The following PLD5 variants were observed in gnomAD, a reference collection of about 807,000 sequenced individuals.
PLD5 encodes inactive phospholipase D5.
In PLD5, 36 loss-of-function variants were observed where a neutral mutation model predicts 61.1. The ratio of observed to expected loss-of-function variants is 0.59; its 90% CI spans 0.45 to 0.78. The LOEUF is 0.78. Among genes scored for constraint, PLD5 ranks in the 30% least tolerant of loss-of-function variants. The pLI is 0.00. For missense variants in PLD5, 515 were observed against 644.4 expected (o/e 0.80, Z 2.17); for synonymous variants, 243 against 242.8 (o/e 1.00, Z -0.01).
intron 2 of PLD5, among the ~76,000 whole-genome samples, chr1:242,309,907 GAAA>G (rs1338152805): frequency 3.4e-5 from 5 of 148,384 alleles, no homozygotes; most frequent in Admixed American, 1.4e-4. Flanking sequence ...TTTACCTGGA[GAAA>G]GTCAAAAAGA....
intron 4 of PLD5, among the ~76,000 whole-genome samples, chr1:242,253,701 T>G (rs529390866): frequency 6.6e-6 from 1 of 152,298 alleles, no homozygotes; most frequent in South Asian, 2.1e-4. Context: ...ACAGATAAAA[T>G]TCTGCTTTTC....
At chr1:242,207,824 TTATATATATTTATATATTTA>T (rs1558343928) in intron 5 of PLD5, among the ~76,000 whole-genome samples, 4 of 51,918 alleles carry the variant, frequency 7.7e-5, no homozygotes, top group Admixed American at 3.0e-4. Context: ...ATTTATATAT[TTATATATATTTATATATTTA>T]TATATATTTA....
At chr1:242,425,542 C>T (rs1265102750) in intron 1 of PLD5, among the ~76,000 whole-genome samples, 1 of 151,704 alleles carries the variant, frequency 6.6e-6, no homozygotes, top group Non-Finnish European at 1.5e-5. Context: ...CTGTATACTA[C>T]TATAGACTTT....
rs544989893 is a variant in PLD5, at chr1:242,165,712, G to A, written c.736-41047C>T. ...CTTTCTCATACCAAAAGCAGGGCTC[G>A]GTCATCCTTGATGCAATTTCCAGTG... On this transcript the variant is annotated intron_variant, in intron 5 of 9. Transcript: ENST00000536534. 5.9e-5 allele frequency among the ~76,000 whole-genome samples: 9 copies of A among 152,096 alleles called. No individual in the cohort carries two copies. The East Asian group carries it at 1.2e-3, about 20-fold the overall frequency.
intron 1 of PLD5, among the ~76,000 whole-genome samples, chr1:242,484,862 T>C (rs139623676): frequency 6.6e-6 from 1 of 152,268 alleles, no homozygotes; most frequent in East Asian, 1.9e-4. Context: ...TTATCCACCA[T>C]GATCAAGTGG....
At chr1:242,268,583 T>C (rs1357950081) in intron 3 of PLD5, among the ~76,000 whole-genome samples, 1 of 152,220 alleles carries the variant, frequency 6.6e-6, no homozygotes, top group African/African-American at 2.4e-5. Flanking sequence ...ACTTTTAGTA[T>C]GTGCTGATTA....
chr1:242,497,439 C>T (rs1668407366), intron 1 of PLD5, among the ~76,000 whole-genome samples: 1 of 152,112 alleles, frequency 6.6e-6, no homozygotes, highest in Admixed American at 6.6e-5. Context: ...CTTTCTCTTC[C>T]TCTAAATTTT....
chr1:242,501,159 T>A lies in PLD5; in HGVS notation c.189+22929A>T, dbSNP rs181658088. ...TGTTAAAGACTCACTAGCACTGAAC[T>A]GAGCTTTCCCATTCATTAAATAGGC... On this transcript the variant is annotated intron_variant, in intron 1 of 9. Transcript: ENST00000536534. Among the ~76,000 whole-genome samples the A allele has an allele frequency of 1.6e-4, 25 of 152,294 alleles. No homozygotes were observed. The Middle Eastern group carries it at 0.01, about 62-fold the overall frequency.
intron 1 of PLD5, chr1:242,449,366 T>A: frequency 2.0e-6 from 3 of 1,536,106 alleles, no homozygotes; most frequent in Non-Finnish European, 2.6e-6. Flanking sequence ...TTGCGACCAA[T>A]CTTCCTTCCC....
chr1:242,306,714 T>C (rs1264051386), intron 2 of PLD5, among the ~76,000 whole-genome samples: 1 of 150,662 alleles, frequency 6.6e-6, no homozygotes, highest in Non-Finnish European at 1.5e-5. Flanking sequence ...AATGCTACAC[T>C]GAGAAAGAGA....
chr1:242,265,098 T>C (rs1380698782), intron 4 of PLD5, among the ~76,000 whole-genome samples: 1 of 152,202 alleles, frequency 6.6e-6, no homozygotes, highest in Non-Finnish European at 1.5e-5. Context: ...TTAATCATCA[T>C]TTATTGACCA....
intron 1 of PLD5, chr1:242,376,983 T>C: frequency 6.2e-7 from 1 of 1,611,346 alleles, no homozygotes; most frequent in Non-Finnish European, 8.5e-7. Flanking sequence ...TATCCGCATG[T>C]GAGTATTTGA....
intron 4 of PLD5, among the ~76,000 whole-genome samples, chr1:242,238,937 G>A (rs1178494001): frequency 6.6e-6 from 1 of 152,100 alleles, no homozygotes; most frequent in African/African-American, 2.4e-5. Context: ...CTCACTGGAA[G>A]GCTTGTAGCA....
chr1:242,210,784 T>A (rs1669762014), intron 5 of PLD5: 1 of 152,250 alleles, frequency 6.6e-6, no homozygotes. Flanking sequence ...CTTTTTGGAC[T>A]CAGCCTGCCT....
intron 2 of PLD5, among the ~76,000 whole-genome samples, chr1:242,330,176 C>T (rs1223441162): frequency 2.0e-5 from 3 of 152,244 alleles, no homozygotes; most frequent in Non-Finnish European, 4.4e-5. Flanking sequence ...AAAATGGTTC[C>T]TTCATCAGCC....
intron 1 of PLD5, among the ~76,000 whole-genome samples, chr1:242,357,972 C>T (rs1313136947): frequency 6.6e-6 from 1 of 151,836 alleles, no homozygotes; most frequent in Admixed American, 6.6e-5. Context: ...TTCATAAGTA[C>T]TGTCTTCGAG....
rs191717338 is a variant in PLD5 at position 242,291,633 on chromosome 1, C to T, written c.327-3103G>A. 8.4e-4 allele frequency among the ~76,000 whole-genome samples: 128 copies of T among 151,982 alleles called. 2 individuals carry two copies. Among genetic ancestry groups the T allele is most frequent in the African/African-American group, 2.9e-3 (122 of 41,454 alleles). On this transcript the variant is annotated intron_variant, in intron 2 of 9. Coordinates refer to ENST00000536534, the MANE Select transcript of PLD5 (RefSeq NM_001372062.1). ...CATCTTGGCTAACACGGTGAAACCCCGTCTCTACTAAAAATACAAAAAATT... is the reference window on the plus strand; with the variant it reads ...CATCTTGGCTAACACGGTGAAACCCTGTCTCTACTAAAAATACAAAAAATT...
At chr1:242,166,316 C>A (rs12084026) in intron 5 of PLD5, among the ~76,000 whole-genome samples, 9,368 of 152,260 alleles carry the variant, frequency 0.062, 1,008 homozygotes, top group African/African-American at 0.21. Context: ...CCAAAAGAAG[C>A]GTTCCATAAA....
rs532928369 is a variant in PLD5, at chr1:242,207,575, CT to C, written c.735+12412del. ...TTCTGACTCTGTATCTTTGTTCACT[CT>C]GTTCCTTCTACTTAGAATACTTTTC... On this transcript the variant is annotated intron_variant, in intron 5 of 9. Transcript: ENST00000536534. 7.9e-5 allele frequency among the ~76,000 whole-genome samples: 12 copies of C among 151,810 alleles called. No homozygotes were observed. In the South Asian group the frequency reaches 2.3e-3, roughly 29 times the overall value.
Sources: gnomAD v4.1 joint callset for allele counts (sites outside exome capture counted in the v4.1 genomes callset) on GRCh38, gnomAD v4.1.1 for gene constraint, MANE v1.5 for transcripts, NCBI Gene and HGNC (gene_info 2026-07-23, HGNC 2026-07-21) for gene names.